Variants in VPS13B observed in about 807,000 individuals in gnomAD.
VPS13B encodes the protein intermembrane lipid transfer protein VPS13B.
A neutral mutation model predicts 426.4 loss-of-function variants in VPS13B; 285 were observed. That is an observed-to-expected ratio of 0.67 (90% CI 0.61 to 0.74). The LOEUF (loss-of-function observed/expected upper bound fraction) is 0.74, where lower values mean the gene tolerates loss of function less well. Ranked by LOEUF, VPS13B falls within the 30% of genes least tolerant of loss-of-function variation. The pLI is 0.00. For synonymous variants in VPS13B, 1,676 were observed against 1,676.4 expected (o/e 1.00, Z 0.01); for missense variants, 4,537 against 4,782.6 (o/e 0.95, Z 1.51).
chr8:99,481,930 G>T, intron 25 of VPS13B, 128 bp downstream of exon 25: 1 of 1,146,766 alleles, frequency 8.7e-7, no homozygotes. Context: ...TTCAAGAGGA[G>T]CTGTGGCAGC....
intron 33 of VPS13B, among the ~76,000 whole-genome samples, chr8:99,586,211 A>G (rs1373527391): frequency 1.3e-5 from 2 of 152,144 alleles, no homozygotes; most frequent in Non-Finnish European, 2.9e-5. Flanking sequence ...TGTTTTCTTA[A>G]AACAGTATAG....
intron 5 of VPS13B, among the ~76,000 whole-genome samples, chr8:99,109,804 G>A (rs762027811): frequency 6.6e-6 from 1 of 152,136 alleles, no homozygotes; most frequent in Non-Finnish European, 1.5e-5. Context: ...TTACCACTGT[G>A]CCTCAGTTTT....
At chr8:99,635,887 A>G (rs943906089) in intron 33 of VPS13B, among the ~76,000 whole-genome samples, 1 of 151,952 alleles carries the variant, frequency 6.6e-6, no homozygotes. Context: ...CTGAGACACT[A>G]TGCCTCTTAA....
intron 17 of VPS13B, among the ~76,000 whole-genome samples, chr8:99,228,178 C>T (rs559586400): frequency 6.6e-6 from 1 of 152,276 alleles, no homozygotes; most frequent in East Asian, 1.9e-4. Context: ...AATGGCTTAG[C>T]AATTCTCAAA....
At chr8:99,395,455 A>G (rs1451544600) in intron 21 of VPS13B, among the ~76,000 whole-genome samples, 2 of 152,066 alleles carry the variant, frequency 1.3e-5, no homozygotes, top group Non-Finnish European at 2.9e-5. Flanking sequence ...TATAATTCTC[A>G]TTGGTTATTT....
At chr8:99,754,838 A>G (rs1810559331) in intron 39 of VPS13B, among the ~76,000 whole-genome samples, 1 of 152,204 alleles carries the variant, frequency 6.6e-6, no homozygotes, top group Non-Finnish European at 1.5e-5. Context: ...TTACTCTTTC[A>G]AAAGTTACTA....
At chr8:99,255,222 G>A (rs544991535) in intron 17 of VPS13B, among the ~76,000 whole-genome samples, 60 of 151,800 alleles carry the variant, frequency 4.0e-4, no homozygotes, top group African/African-American at 1.1e-3. Flanking sequence ...TTTTTATGTC[G>A]TTGTCCATTT....
chr8:99,455,284 A>G (rs1170333684), intron 23 of VPS13B, among the ~76,000 whole-genome samples: 3 of 152,198 alleles, frequency 2.0e-5, no homozygotes, highest in Non-Finnish European at 4.4e-5. Context: ...CTATAAAGAA[A>G]TACCTGAGAC....
chr8:99,381,750 C>T (rs912155394), intron 19 of VPS13B, among the ~76,000 whole-genome samples: 1 of 150,946 alleles, frequency 6.6e-6, no homozygotes, highest in Admixed American at 6.6e-5. Context: ...TTTCAATGGA[C>T]TTGCTTTTTT....
chr8:99,538,755 T>C (rs917480719), intron 30 of VPS13B, among the ~76,000 whole-genome samples: 4 of 152,232 alleles, frequency 2.6e-5, no homozygotes, highest in African/African-American at 7.2e-5. Flanking sequence ...ATCTTACTTA[T>C]TGATTTCTTT....
chr8:99,350,444 T>C (rs112048643), intron 19 of VPS13B, among the ~76,000 whole-genome samples: 28 of 152,316 alleles, frequency 1.8e-4, no homozygotes, highest in African/African-American at 6.7e-4. Flanking sequence ...GAGTGTTGCT[T>C]GACCAGTAAA....
chr8:99,415,656 A>G (rs546154657), intron 21 of VPS13B, among the ~76,000 whole-genome samples: 3 of 152,168 alleles, frequency 2.0e-5, no homozygotes, highest in African/African-American at 4.8e-5. Flanking sequence ...AGTTTTCCTT[A>G]TAACAGTCAG....
intron 19 of VPS13B, among the ~76,000 whole-genome samples, chr8:99,362,089 G>A (rs2133239190): frequency 7.3e-6 from 1 of 137,888 alleles, no homozygotes; most frequent in South Asian, 2.5e-4. Context: ...TTACTTTGTT[G>A]TTTTTACTAA....
chr8:99,607,856 G>C (rs116342816), intron 33 of VPS13B, among the ~76,000 whole-genome samples: 1,825 of 151,976 alleles, frequency 0.012, 41 homozygotes, highest in African/African-American at 0.042. Context: ...ATAAATAACA[G>C]TCATATTTCC....
At chr8:99,517,650 T>G (rs535257186) in intron 29 of VPS13B, among the ~76,000 whole-genome samples, 1 of 152,306 alleles carries the variant, frequency 6.6e-6, no homozygotes, top group African/African-American at 2.4e-5. Flanking sequence ...CTTAATCTTT[T>G]TATTTCACAA....
chr8:99,055,033 G>GTTTTT (rs775826222), intron 3 of VPS13B, among the ~76,000 whole-genome samples: 7 of 109,350 alleles, frequency 6.4e-5, no homozygotes, highest in Non-Finnish European at 1.1e-4. Flanking sequence ...TTGTATTTCT[G>GTTTTT]TTTTTTTTTT....
At chr8:99,780,510 ATGAC>A (rs1386266143) in intron 42 of VPS13B, among the ~76,000 whole-genome samples, 1 of 152,186 alleles carries the variant, frequency 6.6e-6, no homozygotes, top group Non-Finnish European at 1.5e-5. Flanking sequence ...CAGAGTGTGA[ATGAC>A]TGACTGGCTA....
chr8:99,215,051 A>C (rs1420163281), intron 17 of VPS13B, among the ~76,000 whole-genome samples: 1 of 152,174 alleles, frequency 6.6e-6, no homozygotes, highest in African/African-American at 2.4e-5. Context: ...CTTTAAGTAG[A>C]AAATAGGTTC....
At chr8:99,026,663 G>A (rs1275971777) in intron 2 of VPS13B, among the ~76,000 whole-genome samples, 2 of 152,048 alleles carry the variant, frequency 1.3e-5, no homozygotes, top group African/African-American at 4.8e-5. Context: ...TGTTATAGAT[G>A]CTTGCCAAAT....
Sources: gnomAD v4.1 joint callset for allele counts (sites outside exome capture counted in the v4.1 genomes callset) on GRCh38, gnomAD v4.1.1 for gene constraint, MANE v1.5 for transcripts, NCBI Gene and HGNC (gene_info 2026-07-23, HGNC 2026-07-21) for gene names.